NRG3: variants seen among roughly 807,000 people sequenced by gnomAD.
NRG3 encodes neuregulin 3.
A neutral mutation model predicts 66.9 loss-of-function variants in NRG3; 31 were observed. That is an observed-to-expected ratio of 0.46 (90% CI 0.35 to 0.63). NRG3 has a LOEUF of 0.63. Among genes scored for constraint, NRG3 ranks in the 20% least tolerant of loss-of-function variants. NRG3 has a pLI of 0.00. For missense variants in NRG3, 910 were observed against 878.9 expected (o/e 1.04, Z -0.45); for synonymous variants, 393 against 359.4 (o/e 1.09, Z -1.06).
At chr10:82,935,622 T>C (rs4459231) in intron 4 of NRG3, among the ~76,000 whole-genome samples, 133,393 of 152,016 alleles carry the variant, frequency 0.88, 58,634 homozygotes, top group African/African-American at 0.93. Flanking sequence ...GTTATTATTT[T>C]TCTCTTTTTT....
intron 2 of NRG3, among the ~76,000 whole-genome samples, chr10:82,734,200 T>C (rs2058050372): frequency 6.6e-6 from 1 of 152,170 alleles, no homozygotes; most frequent in Non-Finnish European, 1.5e-5. Context: ...AACTCTTTAC[T>C]TAAACCAGCC....
At chr10:82,505,734 C>T (rs1820812053) in intron 2 of NRG3, among the ~76,000 whole-genome samples, 1 of 152,112 alleles carries the variant, frequency 6.6e-6, no homozygotes, top group Non-Finnish European at 1.5e-5. Context: ...GTGGAGAACC[C>T]CTGATTTTGC....
chr10:82,558,850 A>G (rs1013552444), intron 2 of NRG3, among the ~76,000 whole-genome samples: 4 of 152,094 alleles, frequency 2.6e-5, no homozygotes, highest in Admixed American at 1.3e-4. Flanking sequence ...TTCTCTCCCT[A>G]TCGGATATAT....
intron 1 of NRG3, among the ~76,000 whole-genome samples, chr10:82,056,060 A>G (rs957630170): frequency 2.0e-5 from 3 of 152,210 alleles, no homozygotes; most frequent in Non-Finnish European, 4.4e-5. Flanking sequence ...ATGTGTGGAA[A>G]GCAAAATCAT....
chr10:82,039,172 C>T (rs2062920809), intron 1 of NRG3, among the ~76,000 whole-genome samples: 1 of 152,096 alleles, frequency 6.6e-6, no homozygotes, highest in African/African-American at 2.4e-5. Context: ...CAACCAAGTT[C>T]CAATGCGAAG....
intron 2 of NRG3, among the ~76,000 whole-genome samples, chr10:82,691,067 A>T (rs1055083198): frequency 1.3e-5 from 2 of 151,968 alleles, no homozygotes; most frequent in Non-Finnish European, 2.9e-5. Flanking sequence ...CCTCATCTGG[A>T]AGTGGCTTAT....
chr10:82,824,093 C>T (rs1057029570), intron 3 of NRG3, among the ~76,000 whole-genome samples: 1 of 152,128 alleles, frequency 6.6e-6, no homozygotes, highest in Non-Finnish European at 1.5e-5. Flanking sequence ...TATGGCTTTG[C>T]CTGTTTCAGA....
At chr10:81,916,563 TCTC>T (rs1845730652) in intron 1 of NRG3, among the ~76,000 whole-genome samples, 1 of 152,176 alleles carries the variant, frequency 6.6e-6, no homozygotes, top group East Asian at 1.9e-4. Flanking sequence ...TAGACAGTCA[TCTC>T]CTAAAAGCAG....
rs573284301 is a variant in NRG3, at chr10:82,482,556, T to C, written c.953+123688T>C. ...GTAGGGAAACAGGCAAGGTCAGTGC[T>C]ACACAGAGTGTGATTCTTGGATAGG... On this transcript the variant is annotated intron_variant, in intron 2 of 8. Coordinates refer to ENST00000372141, the MANE Select transcript of NRG3 (RefSeq NM_001010848.4). 3.8e-3 allele frequency among the ~76,000 whole-genome samples: 574 copies of C among 152,096 alleles called. 1 individual carries two copies. Among genetic ancestry groups the C allele is most frequent in the African/African-American group, 0.013 (543 of 41,494 alleles).
intron 4 of NRG3, among the ~76,000 whole-genome samples, chr10:82,931,241 A>G (rs1024022619): frequency 6.6e-6 from 1 of 152,218 alleles, no homozygotes; most frequent in Non-Finnish European, 1.5e-5. Flanking sequence ...TAGAAAGCTT[A>G]CCAACTTTAT....
At chr10:82,810,565 C>T (rs907114603) in intron 3 of NRG3, among the ~76,000 whole-genome samples, 1 of 151,850 alleles carries the variant, frequency 6.6e-6, no homozygotes, top group Non-Finnish European at 1.5e-5. Flanking sequence ...GAGTTTGAGA[C>T]CAGCCTGGCC....
intron 2 of NRG3, among the ~76,000 whole-genome samples, chr10:82,363,415 T>C (rs2084311445): frequency 6.6e-6 from 1 of 152,216 alleles, no homozygotes; most frequent in Non-Finnish European, 1.5e-5. Flanking sequence ...GGTAATATTT[T>C]AGTATGTTTT....
intron 2 of NRG3, among the ~76,000 whole-genome samples, chr10:82,487,892 C>T (rs987901533): frequency 1.3e-5 from 2 of 152,106 alleles, no homozygotes; most frequent in Non-Finnish European, 1.5e-5. Context: ...ATTACAGTCT[C>T]TTTGGGCTTA....
chr10:82,293,109 G>A (rs955109685), intron 1 of NRG3, among the ~76,000 whole-genome samples: 4 of 152,162 alleles, frequency 2.6e-5, no homozygotes, highest in Non-Finnish European at 5.9e-5. Context: ...TGGCCCCTGT[G>A]GGAGTGCTCT....
intron 1 of NRG3, among the ~76,000 whole-genome samples, chr10:81,953,338 T>C (rs543585384): frequency 1.2e-4 from 19 of 152,288 alleles, no homozygotes; most frequent in African/African-American, 4.1e-4. Context: ...CTTTCCATCC[T>C]TCTCTTGATG....
At chr10:82,733,640 A>T (rs1271699366) in intron 2 of NRG3, among the ~76,000 whole-genome samples, 1 of 152,240 alleles carries the variant, frequency 6.6e-6, no homozygotes, top group Non-Finnish European at 1.5e-5. Flanking sequence ...TGAGTAAATG[A>T]CCAGGAAATC....
intron 3 of NRG3, among the ~76,000 whole-genome samples, chr10:82,841,208 AG>A (rs1242174071): frequency 6.6e-6 from 1 of 152,160 alleles, no homozygotes; most frequent in Non-Finnish European, 1.5e-5. Context: ...TCTTTCCTAC[AG>A]CCATTGGAAG....
intron 2 of NRG3, among the ~76,000 whole-genome samples, chr10:82,465,054 G>A (rs982263705): frequency 1.3e-5 from 2 of 152,154 alleles, no homozygotes; most frequent in Non-Finnish European, 2.9e-5. Flanking sequence ...GATTCTCCCA[G>A]GAACTGGTTT....
chr10:82,745,719 A>G (rs1398774992), intron 3 of NRG3, among the ~76,000 whole-genome samples: 2 of 152,110 alleles, frequency 1.3e-5, no homozygotes, highest in Non-Finnish European at 2.9e-5. Flanking sequence ...TCTTTTACCA[A>G]TCATGTATGC....
Sources: allele counts gnomAD v4.1 joint callset (sites outside exome capture counted in the v4.1 genomes callset), GRCh38; gene constraint gnomAD v4.1.1; transcripts MANE v1.5; gene names NCBI Gene and HGNC (gene_info 2026-07-23, HGNC 2026-07-21).